FRMD4B: variants seen among roughly 807,000 people sequenced by gnomAD.
FRMD4B encodes FERM domain containing 4B.
Under a neutral mutation model 141.5 loss-of-function variants are expected in FRMD4B, and 74 were observed. The observed-to-expected ratio is 0.52, with a 90% CI of 0.43 to 0.63. The LOEUF (loss-of-function observed/expected upper bound fraction) is 0.63. FRMD4B is among the 30% of genes least tolerant of loss of function. The pLI, the probability that FRMD4B is intolerant of heterozygous loss-of-function variation, is 0.00. For missense variants in FRMD4B, 1,366 were observed against 1,253.4 expected (o/e 1.09, Z -1.36); for synonymous variants, 506 against 467.9 (o/e 1.08, Z -1.05).
At chr3:69,216,215 A>T in intron 11 of FRMD4B, 48 bp downstream of exon 11, 1 of 973,768 alleles carries the variant, frequency 1.0e-6, no homozygotes, top group Non-Finnish European at 1.6e-6. Flanking sequence ...TGTTGTGATT[A>T]ACATGTTTTG....
intron 1 of FRMD4B, among the ~76,000 whole-genome samples, chr3:69,502,715 C>CA (rs535710190): frequency 0.056 from 8,205 of 146,686 alleles, 448 homozygotes; most frequent in African/African-American, 0.15. Flanking sequence ...TTCTGCACAG[C>CA]AAAAAAAAAA....
chr3:69,406,461 A>G (rs531717313), intron 2 of FRMD4B, among the ~76,000 whole-genome samples: 1 of 152,318 alleles, frequency 6.6e-6, no homozygotes, highest in East Asian at 1.9e-4. Flanking sequence ...CATCCTCCCC[A>G]CCAACTGATC....
At chr3:69,440,197 T>C (rs1297265377) in intron 1 of FRMD4B, among the ~76,000 whole-genome samples, 1 of 152,228 alleles carries the variant, frequency 6.6e-6, no homozygotes, top group African/African-American at 2.4e-5. Flanking sequence ...ATTTCTTATA[T>C]TTAAGTTTTT....
chr3:69,326,914 G>C (rs1702208757), intron 1 of FRMD4B, among the ~76,000 whole-genome samples: 1 of 152,120 alleles, frequency 6.6e-6, no homozygotes, highest in Non-Finnish European at 1.5e-5. Context: ...CTTAAAACCA[G>C]TTGTTAGGCT....
chr3:69,201,435 AAGT>A (rs2092966520), intron 11 of FRMD4B, among the ~76,000 whole-genome samples: 2 of 152,148 alleles, frequency 1.3e-5, no homozygotes, highest in Non-Finnish European at 2.9e-5. Flanking sequence ...CTCAAAATTA[AAGT>A]AATAAAAGTT....
chr3:69,256,114 G>C (rs762835637), intron 5 of FRMD4B, among the ~76,000 whole-genome samples: 1 of 151,272 alleles, frequency 6.6e-6, no homozygotes, highest in African/African-American at 2.5e-5. Flanking sequence ...ATAAAAGGTT[G>C]GGGGGGAGGG....
At chr3:69,213,584 T>C (rs1050045581) in intron 11 of FRMD4B, among the ~76,000 whole-genome samples, 3 of 151,838 alleles carry the variant, frequency 2.0e-5, no homozygotes, top group East Asian at 3.9e-4. Flanking sequence ...AGAATAAAAA[T>C]GTTAACAGTA....
intron 1 of FRMD4B, among the ~76,000 whole-genome samples, chr3:69,510,587 G>T (rs2107098427): frequency 6.6e-6 from 1 of 152,282 alleles, no homozygotes; most frequent in East Asian, 1.9e-4. Context: ...CTCAGCCCAT[G>T]AGTATACTTG....
At chr3:69,505,019 G>T (rs997706839) in intron 1 of FRMD4B, among the ~76,000 whole-genome samples, 1 of 152,070 alleles carries the variant, frequency 6.6e-6, no homozygotes, top group African/African-American at 2.4e-5. Flanking sequence ...AACATCCCCA[G>T]GGATTCTATC....
chr3:69,423,701 C>G (rs1264936356), intron 2 of FRMD4B, among the ~76,000 whole-genome samples: 2 of 152,090 alleles, frequency 1.3e-5, no homozygotes, highest in Non-Finnish European at 2.9e-5. Flanking sequence ...GATTAGTGCC[C>G]TCATGAAAGA....
intron 1 of FRMD4B, among the ~76,000 whole-genome samples, chr3:69,354,547 T>C (rs576359030): frequency 5.3e-5 from 8 of 152,282 alleles, no homozygotes; most frequent in African/African-American, 1.7e-4. Context: ...AGTTACTTGA[T>C]CTTTCTGAGA....
At chr3:69,196,825 T>C in intron 13 of FRMD4B, 75 bp downstream of exon 13, 2 of 1,127,892 alleles carry the variant, frequency 1.8e-6, no homozygotes, top group South Asian at 1.5e-5. Context: ...CTTGCATCTT[T>C]TGTGAGAAGG....
rs869150440 is a variant in FRMD4B, at chr3:69,412,840, CTTTTTTTTTTT to C, written c.-1+19783_-1+19793del. Reference sequence around the variant, plus strand: ...AAGAGAATTCCAATGAGAAGCTCCACTTTTTTTTTTTTTTTTTTTTTTTTTTTTTGAGACGA... The same window carrying C: ...AAGAGAATTCCAATGAGAAGCTCCACTTTTTTTTTTTTTTTTTTGAGACGA... On this transcript the variant is annotated intron_variant, in intron 2 of 5. Transcript: ENST00000459638. 1.8e-4 allele frequency among the ~76,000 whole-genome samples: 10 copies of C among 54,272 alleles called. No individual in the cohort carries two copies. The South Asian group carries it at 0.01, about 54-fold the overall frequency. 35.6% of individuals were successfully genotyped at this position (54,272 alleles called of 152,430 possible).
intron 1 of FRMD4B, among the ~76,000 whole-genome samples, chr3:69,318,261 G>A (rs192345777): frequency 1.2e-4 from 19 of 152,258 alleles, no homozygotes; most frequent in Non-Finnish European, 2.1e-4. Context: ...AGATGTGAGC[G>A]ATAGTACCCA....
At chr3:69,297,424 C>CA (rs896598258) in intron 4 of FRMD4B, among the ~76,000 whole-genome samples, 6 of 151,716 alleles carry the variant, frequency 4.0e-5, no homozygotes, top group Non-Finnish European at 8.8e-5. Flanking sequence ...TAGGACCCAG[C>CA]AAAAGTGACT....
chr3:69,224,582 C>T (rs1425762617), intron 8 of FRMD4B, 25 bp downstream of exon 8: 4 of 1,115,416 alleles, frequency 3.6e-6, no homozygotes, highest in African/African-American at 3.0e-5. Flanking sequence ...GAAAATGAGA[C>T]ACCTGTTATG....
intron 1 of FRMD4B, among the ~76,000 whole-genome samples, chr3:69,385,406 C>A (rs968714854): frequency 6.6e-6 from 1 of 152,160 alleles, no homozygotes; most frequent in African/African-American, 2.4e-5. Context: ...GGATAAAAAT[C>A]CACCAAGGCC....
chr3:69,398,651 T>C lies in FRMD4B; in HGVS notation c.-1+33983A>G, dbSNP rs113581460. On this transcript the variant is annotated intron_variant, in intron 2 of 5. Transcript: ENST00000459638. ...TTTCCAGGGCTGCCATGTAAGATTG[T>C]TCAAGATGCCAGTTGCACAAGGCAC... is the stretch of plus-strand genomic sequence containing the variant. 1.6e-3 allele frequency among the ~76,000 whole-genome samples: 246 copies of C among 152,326 alleles called. 2 individuals are homozygous for C. Among genetic ancestry groups the C allele is most frequent in the African/African-American group, 5.7e-3 (235 of 41,590 alleles).
intron 1 of FRMD4B, among the ~76,000 whole-genome samples, chr3:69,325,941 C>T (rs560017878): frequency 6.6e-6 from 1 of 151,888 alleles, no homozygotes; most frequent in South Asian, 2.1e-4. Context: ...GTACTTCTCT[C>T]AAGAAAAAAG....
Sources: allele counts gnomAD v4.1 joint callset (sites outside exome capture counted in the v4.1 genomes callset), GRCh38; gene constraint gnomAD v4.1.1; transcripts MANE v1.5; gene names NCBI Gene and HGNC (gene_info 2026-07-23, HGNC 2026-07-21).